HSPBAP1: variants seen among roughly 807,000 people sequenced by gnomAD.
The protein encoded by HSPBAP1 is HSPB1 associated protein 1.
In HSPBAP1, 27 loss-of-function variants were observed where a neutral mutation model predicts 45.2. The ratio of observed to expected loss-of-function variants is 0.60; its 90% CI spans 0.44 to 0.82. The LOEUF (loss-of-function observed/expected upper bound fraction) is 0.82. Ranked by LOEUF, HSPBAP1 falls within the 40% of genes least tolerant of loss-of-function variation. HSPBAP1 has a pLI of 0.00. For synonymous variants in HSPBAP1, 204 were observed against 202.7 expected, an observed-to-expected ratio of 1.01 and a Z score of -0.06; for missense variants, 510 against 590.9, an observed-to-expected ratio of 0.86 and a Z score of 1.42.
intron 5 of HSPBAP1, chr3:122,754,789 A>T: frequency 1.0e-6 from 1 of 986,132 alleles, no homozygotes; most frequent in Non-Finnish European, 1.2e-6. Flanking sequence ...TGAAAACAAC[A>T]TCCATTTTTG....
Position 122,741,006 on chromosome 3 carries a change from A to G in HSPBAP1, c.933T>C (p.Thr311=). The G allele has an allele frequency of 6.2e-7, 1 of 1,613,556 alleles. No homozygotes were observed. The highest frequency in any genetic ancestry group is 8.5e-7 in the Non-Finnish European group (1 of 1,179,428). Residue 311 remains threonine, a synonymous_variant, in exon 7 of 8, where the codon ACT becomes ACC. Coordinates refer to ENST00000306103, the MANE Select transcript of HSPBAP1 (RefSeq NM_024610.6). ...ATGAAGACCAGAAGCCGCCTACCTCAGTGGGGTTTAACCAGGCTCTGGTAT... is the reference window on the plus strand; with the variant it reads ...ATGAAGACCAGAAGCCGCCTACCTCGGTGGGGTTTAACCAGGCTCTGGTAT... ...PQNTRAWLNP[T]EVEETSHAVN... is the part of the protein sequence containing the mutation.
At chr3:122,746,397 T>C (rs1254001583) in intron 6 of HSPBAP1, among the ~76,000 whole-genome samples, 7 of 137,036 alleles carry the variant, frequency 5.1e-5, no homozygotes, top group Non-Finnish European at 7.8e-5. Flanking sequence ...AACAAAGCAA[T>C]GGTCAGTCCT....
chr3:122,774,398 C>G (rs148290981), intron 2 of HSPBAP1, among the ~76,000 whole-genome samples: 159 of 152,194 alleles, frequency 1.0e-3, no homozygotes, highest in Non-Finnish European at 1.8e-3. Flanking sequence ...ACACAGGGAA[C>G]TACATACACA....
chr3:122,750,659 T>TG (rs1934103737), intron 6 of HSPBAP1, among the ~76,000 whole-genome samples: 1 of 152,184 alleles, frequency 6.6e-6, no homozygotes, highest in African/African-American at 2.4e-5. Flanking sequence ...AGTTTCTAAA[T>TG]GCCATTTCCT....
At chr3:122,742,176 TAC>T (rs1491071151) in intron 6 of HSPBAP1, among the ~76,000 whole-genome samples, 1 of 149,272 alleles carries the variant, frequency 6.7e-6, no homozygotes, top group Non-Finnish European at 1.5e-5. Flanking sequence ...TTGATATATA[TAC>T]ATATATTAAT....
intron 1 of HSPBAP1, among the ~76,000 whole-genome samples, chr3:122,779,421 C>A (rs1467303015): frequency 6.6e-6 from 1 of 151,828 alleles, no homozygotes; most frequent in African/African-American, 2.4e-5. Context: ...AATTTGACTC[C>A]ATTTCTCTCA....
At chr3:122,760,021 A>G (rs777546394) in intron 3 of HSPBAP1, among the ~76,000 whole-genome samples, 5 of 152,202 alleles carry the variant, frequency 3.3e-5, no homozygotes, top group Admixed American at 3.3e-4. Context: ...ATATACATCC[A>G]TGGATGGCTT....
intron 4 of HSPBAP1, among the ~76,000 whole-genome samples, 193 bp from the exon 5 acceptor site, chr3:122,755,624 T>C (rs1409546505): frequency 1.3e-5 from 2 of 151,284 alleles, no homozygotes; most frequent in Non-Finnish European, 2.9e-5. Flanking sequence ...GGGTGGAAGG[T>C]TGTGTAGCAA....
At chr3:122,774,263 T>A (rs1209406299) in intron 2 of HSPBAP1, among the ~76,000 whole-genome samples, 1 of 152,196 alleles carries the variant, frequency 6.6e-6, no homozygotes, top group Non-Finnish European at 1.5e-5. Context: ...TAGTCACACC[T>A]GATTTGGGGT....
At chr3:122,772,860 T>C (rs1488066833) in intron 2 of HSPBAP1, among the ~76,000 whole-genome samples, 1 of 152,064 alleles carries the variant, frequency 6.6e-6, no homozygotes, top group Non-Finnish European at 1.5e-5. Context: ...TTTTTTTTAC[T>C]TATTTTTTTA....
At chr3:122,754,049 C>T (rs1934254108) in intron 5 of HSPBAP1, 2 of 231,398 alleles carry the variant, frequency 8.6e-6, no homozygotes, top group South Asian at 1.6e-4. Flanking sequence ...CAAAATAGTA[C>T]AGCTGCTATG....
intron 2 of HSPBAP1, among the ~76,000 whole-genome samples, chr3:122,769,185 C>T (rs1391878900): frequency 1.3e-5 from 2 of 152,016 alleles, no homozygotes; most frequent in Non-Finnish European, 2.9e-5. Context: ...TAATGAGTGC[C>T]ATTTACAAAA....
Position 122,753,678 on chromosome 3 carries a change from C to T in HSPBAP1, c.742-1004G>A. On this transcript the variant is annotated intron_variant, in intron 5 of 7. Coordinates refer to ENST00000306103, the MANE Select transcript of HSPBAP1 (RefSeq NM_024610.6). ...CACATTAGGAAACTACTGGTATTTGCTGTGAACAAGGCAGGACTGGGAAAT... is the reference window on the plus strand; with the variant it reads ...CACATTAGGAAACTACTGGTATTTGTTGTGAACAAGGCAGGACTGGGAAAT... The T allele has an allele frequency of 4.1e-6, 4 of 985,108 alleles. No individual in the cohort carries two copies. In the South Asian group the frequency reaches 1.4e-4, roughly 35 times the overall value. 61.0% of individuals were successfully genotyped at this position (985,108 alleles called of 1,614,324 possible).
intron 1 of HSPBAP1, among the ~76,000 whole-genome samples, chr3:122,791,304 C>T (rs193114624): frequency 1.3e-5 from 2 of 152,342 alleles, no homozygotes; most frequent in East Asian, 1.9e-4. Flanking sequence ...TTAACTAGGC[C>T]TAAGGTAACC....
At chr3:122,775,987 T>C (rs1236610765) in intron 2 of HSPBAP1, among the ~76,000 whole-genome samples, 2 of 152,148 alleles carry the variant, frequency 1.3e-5, no homozygotes, top group East Asian at 3.9e-4. Context: ...CTTCAAAACA[T>C]ACTAAATGAA....
chr3:122,752,299 A>G lies in HSPBAP1; in HGVS notation c.825+292T>C, dbSNP rs149291363. On this transcript the variant is annotated intron_variant, in intron 6 of 7. Coordinates refer to ENST00000306103, the MANE Select transcript of HSPBAP1 (RefSeq NM_024610.6). ...ATATCGGCAAATCTGGCCAGGCCCA[A>G]TACAATTTTCCTAACAACACTGGTC... Among the ~76,000 whole-genome samples the G allele has an allele frequency of 6.4e-3, 977 of 152,296 alleles. 5 individuals are homozygous for G. Among genetic ancestry groups the G allele is most frequent in the Admixed American group, 0.013 (192 of 15,292 alleles).
At chr3:122,779,779 C>A (rs1935343438) in intron 1 of HSPBAP1, among the ~76,000 whole-genome samples, 1 of 151,632 alleles carries the variant, frequency 6.6e-6, no homozygotes, top group African/African-American at 2.4e-5. Context: ...ATCCATTTAA[C>A]CCTGAGTGGA....
At chr3:122,769,645 C>T (rs1367805198) in intron 2 of HSPBAP1, among the ~76,000 whole-genome samples, 1 of 152,174 alleles carries the variant, frequency 6.6e-6, no homozygotes, top group Non-Finnish European at 1.5e-5. Flanking sequence ...GTGCTTGACA[C>T]AGCAGATTTC....
chr3:122,766,681 A>T (rs906401709), intron 3 of HSPBAP1, among the ~76,000 whole-genome samples: 4 of 152,238 alleles, frequency 2.6e-5, no homozygotes, highest in Non-Finnish European at 5.9e-5. Flanking sequence ...GAGTCCCAAC[A>T]GGACCGAATG....
Sources: allele counts gnomAD v4.1 joint callset (sites outside exome capture counted in the v4.1 genomes callset), GRCh38; gene constraint gnomAD v4.1.1; transcripts MANE v1.5; gene names NCBI Gene and HGNC (gene_info 2026-07-23, HGNC 2026-07-21).